The following PDE10A variants were observed in gnomAD, a reference collection of about 807,000 sequenced individuals.
PDE10A encodes the protein phosphodiesterase 10A, also known as cAMP and cAMP-inhibited cGMP 3',5'-cyclic phosphodiesterase 10A.
A neutral mutation model predicts 97.7 loss-of-function variants in PDE10A; 39 were observed. The observed-to-expected ratio is 0.40, with a 90% CI of 0.31 to 0.52. PDE10A has a LOEUF of 0.52. Ranked by LOEUF, PDE10A falls within the 20% of genes least tolerant of loss-of-function variation. The probability of loss-of-function intolerance (pLI) is 0.56; values close to 1 mark genes in which losing one functional copy is unlikely to be tolerated. For missense variants in PDE10A, 731 were observed against 1,047.8 expected (o/e 0.70, Z 4.17); for synonymous variants, 371 against 376.8 (o/e 0.98, Z 0.18).
chr6:165,548,302 T>TAA (rs1562570448), intron 1 of PDE10A, among the ~76,000 whole-genome samples: 1 of 142,572 alleles, frequency 7.0e-6, no homozygotes, highest in Non-Finnish European at 1.5e-5. Flanking sequence ...TTTTTTTTTT[T>TAA]ACTGCTTGTT....
intron 18 of PDE10A, among the ~76,000 whole-genome samples, chr6:165,347,842 T>C (rs1430334916): frequency 1.3e-5 from 2 of 151,844 alleles, no homozygotes; most frequent in East Asian, 3.8e-4. Context: ...CATTATGGCA[T>C]ATATATATAT....
intron 1 of PDE10A, among the ~76,000 whole-genome samples, chr6:165,645,221 G>C (rs947709101): frequency 2.6e-5 from 4 of 152,198 alleles, no homozygotes; most frequent in Non-Finnish European, 5.9e-5. Flanking sequence ...AGTGCACAGC[G>C]AGGGTGCGGC....
chr6:165,391,267 C>T (rs939402252), intron 16 of PDE10A, among the ~76,000 whole-genome samples: 1 of 152,004 alleles, frequency 6.6e-6, no homozygotes, highest in African/African-American at 2.4e-5. Context: ...TATTTTTCAG[C>T]CAAAACGATC....
At chr6:165,915,061 C>T (rs971650750) in intron 1 of PDE10A, among the ~76,000 whole-genome samples, 1 of 152,188 alleles carries the variant, frequency 6.6e-6, no homozygotes, top group Non-Finnish European at 1.5e-5. Context: ...TTGTAATTAA[C>T]CCAAAGGGGG....
Position 165,737,984 on chromosome 6 carries a change from C to T in PDE10A, c.-614-194416G>A, listed in dbSNP as rs557128553. Among the ~76,000 whole-genome samples, 28 of 148,688 alleles carry T rather than the reference C, an allele frequency of 1.9e-4. No homozygotes were observed. The East Asian group carries it at 5.3e-3, about 28-fold the overall frequency. On this transcript the variant is annotated intron_variant, in intron 1 of 19. Coordinates refer to the PDE10A transcript ENST00000366882. ...CAGATACAAAATCACCTAAAAAAGT[C>T]AGTCCCACTTCTTTTTTTTATTTTA... is the stretch of plus-strand genomic sequence containing the variant.
At chr6:165,939,268 A>G (rs1239986071) in intron 1 of PDE10A, among the ~76,000 whole-genome samples, 1 of 152,210 alleles carries the variant, frequency 6.6e-6, no homozygotes, top group Non-Finnish European at 1.5e-5. Flanking sequence ...AGATGGTGAA[A>G]TTGTATAGGG....
chr6:165,358,968 A>G (rs1783211801), intron 18 of PDE10A, among the ~76,000 whole-genome samples: 1 of 151,596 alleles, frequency 6.6e-6, no homozygotes, highest in Non-Finnish European at 1.5e-5. Context: ...ATGTTCTTCC[A>G]CTTAACACTT....
At chr6:165,916,022 A>G (rs1782595170) in intron 1 of PDE10A, among the ~76,000 whole-genome samples, 1 of 152,242 alleles carries the variant, frequency 6.6e-6, no homozygotes, top group African/African-American at 2.4e-5. Flanking sequence ...TTAGGTCTGG[A>G]TGCTGCACTC....
intron 1 of PDE10A, among the ~76,000 whole-genome samples, chr6:165,700,581 A>G (rs1791544519): frequency 6.6e-6 from 1 of 152,194 alleles, no homozygotes; most frequent in Non-Finnish European, 1.5e-5. Flanking sequence ...AGGTAATGTT[A>G]TATAAAATAA....
intron 2 of PDE10A, among the ~76,000 whole-genome samples, chr6:165,512,251 T>G (rs1781547469): frequency 6.6e-6 from 1 of 151,972 alleles, no homozygotes; most frequent in African/African-American, 2.4e-5. Context: ...GTGCTTCCAG[T>G]TTAGGACTTC....
At chr6:165,737,999 T>TTTTTA (rs57411816) in intron 1 of PDE10A, among the ~76,000 whole-genome samples, 62,749 of 134,480 alleles carry the variant, frequency 0.47, 16,492 homozygotes, top group African/African-American at 0.76. Flanking sequence ...CCACTTCTTT[T>TTTTTA]TTTTATTTTA....
At chr6:165,894,515 G>C (rs1336840475) in intron 1 of PDE10A, 2 of 456,048 alleles carry the variant, frequency 4.4e-6, no homozygotes, top group South Asian at 3.1e-5. Context: ...CAAAAGATGT[G>C]GGAGGGAGTT....
intron 1 of PDE10A, among the ~76,000 whole-genome samples, chr6:165,961,482 G>A (rs1009476459): frequency 7.2e-5 from 11 of 152,196 alleles, no homozygotes; most frequent in Admixed American, 3.9e-4. Flanking sequence ...CAGTGGATGC[G>A]GTGAGGGCCG....
intron 1 of PDE10A, among the ~76,000 whole-genome samples, chr6:165,841,046 T>C (rs1366715547): frequency 6.6e-6 from 1 of 152,262 alleles, no homozygotes; most frequent in Admixed American, 6.5e-5. Context: ...TTCACCTTTG[T>C]TGACAAGCTC....
intron 3 of PDE10A, among the ~76,000 whole-genome samples, chr6:165,473,151 T>C (rs1299936667): frequency 9.2e-5 from 14 of 152,212 alleles, no homozygotes; most frequent in Admixed American, 6.5e-5. Context: ...AAGATAATTT[T>C]AGACTGCATA....
At chr6:165,536,227 AGTCTTCTG>A (rs1783077959) in intron 2 of PDE10A, among the ~76,000 whole-genome samples, 1 of 151,906 alleles carries the variant, frequency 6.6e-6, no homozygotes, top group Admixed American at 6.6e-5. Flanking sequence ...AGGACAGTCA[AGTCTTCTG>A]GTGCTGGGAA....
At chr6:165,929,194 G>A (rs1398302200) in intron 1 of PDE10A, among the ~76,000 whole-genome samples, 3 of 152,204 alleles carry the variant, frequency 2.0e-5, no homozygotes, top group African/African-American at 2.4e-5. Flanking sequence ...TGGTAAAGAC[G>A]TGGTTGGTGC....
At chr6:165,422,247 C>G (rs932026260) in intron 10 of PDE10A, among the ~76,000 whole-genome samples, 2 of 151,830 alleles carry the variant, frequency 1.3e-5, no homozygotes, top group African/African-American at 4.8e-5. Flanking sequence ...TAAAAGCCAC[C>G]CCTACTCCCT....
rs189137627 is a variant in PDE10A at position 165,743,374 on chromosome 6, A to C, written c.-614-199806T>G. Among the ~76,000 whole-genome samples, 19 of 152,320 alleles carry C rather than the reference A, an allele frequency of 1.2e-4. No individual in the cohort carries two copies. In the East Asian group the frequency reaches 3.7e-3, roughly 29 times the overall value. On this transcript the variant is annotated intron_variant, in intron 1 of 19. Transcript: ENST00000366882. ...TCATAATTCAGAAATTAACATTTGCACAGTACTAATAACTGAACTAGTCTT... is the reference window on the plus strand; with the variant it reads ...TCATAATTCAGAAATTAACATTTGCCCAGTACTAATAACTGAACTAGTCTT...
Sources: allele counts gnomAD v4.1 joint callset (sites outside exome capture counted in the v4.1 genomes callset), GRCh38; gene constraint gnomAD v4.1.1; transcripts MANE v1.5; gene names NCBI Gene and HGNC (gene_info 2026-07-23, HGNC 2026-07-21).